Variants in GLRA3 observed in about 807,000 individuals in gnomAD.
The protein encoded by GLRA3 is glycine receptor subunit alpha-3.
GLRA3 carries 44 observed loss-of-function variants against 60.4 expected under a neutral mutation model. The ratio of observed to expected loss-of-function variants is 0.73; its 90% CI spans 0.57 to 0.94. The LOEUF (loss-of-function observed/expected upper bound fraction) is 0.94. GLRA3 is among the 40% of genes least tolerant of loss of function. The probability of loss-of-function intolerance (pLI) is 0.00; values close to 1 mark genes in which losing one functional copy is unlikely to be tolerated. For missense variants in GLRA3, 508 were observed against 564.6 expected, an observed-to-expected ratio of 0.90 and a Z score of 1.02; for synonymous variants, 223 against 192.9, an observed-to-expected ratio of 1.16 and a Z score of -1.29.
chr4:174,661,454 A>G (rs1488950846), intron 7 of GLRA3, among the ~76,000 whole-genome samples: 1 of 152,132 alleles, frequency 6.6e-6, no homozygotes, highest in African/African-American at 2.4e-5. Context: ...TCAGCACCTT[A>G]ATATAATGGT....
chr4:174,728,266 C>T lies in GLRA3; in HGVS notation c.491+209G>A, dbSNP rs541768801. On this transcript the variant is annotated intron_variant, in intron 4 of 9. Transcript: ENST00000274093. ...GGACATTTGTTTAAAAAGTGGATTTCCAAGAATTACTTATATAGTTCCTGA... is the reference window on the plus strand; with the variant it reads ...GGACATTTGTTTAAAAAGTGGATTTTCAAGAATTACTTATATAGTTCCTGA... 9.9e-5 allele frequency among the ~76,000 whole-genome samples: 15 copies of T among 152,268 alleles called. No individual in the cohort carries two copies. In the East Asian group the frequency reaches 2.7e-3, roughly 27 times the overall value.
At chr4:174,665,485 T>C (rs1392374734) in intron 7 of GLRA3, among the ~76,000 whole-genome samples, 2 of 152,256 alleles carry the variant, frequency 1.3e-5, no homozygotes, top group East Asian at 3.9e-4. Flanking sequence ...ACCACTTGAA[T>C]GCCCCACCAT....
chr4:174,707,166 T>C (rs1256195106), intron 5 of GLRA3, among the ~76,000 whole-genome samples: 23 of 152,174 alleles, frequency 1.5e-4, no homozygotes, highest in Non-Finnish European at 2.1e-4. Context: ...TTTTCAGTAG[T>C]AATAAATCAA....
At chr4:174,659,328 AT>A (rs1026086013) in intron 7 of GLRA3, 131 bp from the exon 8 acceptor site, 4 of 672,676 alleles carry the variant, frequency 5.9e-6, no homozygotes, top group Non-Finnish European at 9.6e-6. Flanking sequence ...GAAAATGACA[AT>A]TTTTTCTTGA....
At chr4:174,680,082 TTA>T (rs1324080721) in intron 6 of GLRA3, among the ~76,000 whole-genome samples, 8 of 152,208 alleles carry the variant, frequency 5.3e-5, no homozygotes, top group African/African-American at 1.9e-4. Flanking sequence ...ATTACAGATT[TTA>T]TGTTTGTATC....
At chr4:174,646,324 C>A (rs1303714759) in intron 9 of GLRA3, among the ~76,000 whole-genome samples, 5 of 152,130 alleles carry the variant, frequency 3.3e-5, no homozygotes, top group Admixed American at 3.3e-4. Flanking sequence ...TAGTGAGCAA[C>A]CGAATTTTTC....
chr4:174,728,152 A>C (rs972728131), intron 4 of GLRA3, among the ~76,000 whole-genome samples: 1 of 152,368 alleles, frequency 6.6e-6, no homozygotes, highest in African/African-American at 2.4e-5. Flanking sequence ...ACATATATAC[A>C]TAAAAGTATT....
intron 1 of GLRA3, among the ~76,000 whole-genome samples, chr4:174,799,268 T>C (rs1739711951): frequency 6.6e-6 from 1 of 152,176 alleles, no homozygotes; most frequent in Non-Finnish European, 1.5e-5. Flanking sequence ...GCCACTCAAA[T>C]ATTGAAAGTA....
intron 5 of GLRA3, among the ~76,000 whole-genome samples, chr4:174,685,242 C>T (rs975922262): frequency 2.0e-5 from 3 of 151,924 alleles, no homozygotes; most frequent in African/African-American, 7.3e-5. Context: ...GGGAAAAACT[C>T]TCCCAGACAC....
At chr4:174,788,051 A>G (rs1166895852) in intron 2 of GLRA3, among the ~76,000 whole-genome samples, 1 of 151,840 alleles carries the variant, frequency 6.6e-6, no homozygotes, top group East Asian at 2.0e-4. Flanking sequence ...AATCCCATGA[A>G]AAAAGTGTAT....
intron 1 of GLRA3, among the ~76,000 whole-genome samples, chr4:174,814,767 A>G (rs1487714522): frequency 1.3e-5 from 2 of 152,106 alleles, no homozygotes; most frequent in South Asian, 2.1e-4. Context: ...ACCTGCCCCC[A>G]TGATTCAATT....
At chr4:174,656,215 T>A (rs552419134) in intron 9 of GLRA3, among the ~76,000 whole-genome samples, 1 of 152,262 alleles carries the variant, frequency 6.6e-6, no homozygotes, top group South Asian at 2.1e-4. Context: ...TTTCAAAGGA[T>A]GCTGCTATCA....
chr4:174,801,668 G>A (rs1286871196), intron 1 of GLRA3, among the ~76,000 whole-genome samples: 1 of 151,962 alleles, frequency 6.6e-6, no homozygotes, highest in Non-Finnish European at 1.5e-5. Flanking sequence ...TGTTCTCTTT[G>A]ACTGGTCTAT....
At chr4:174,750,887 GGAAGCTTTACT>G (rs1385015305) in intron 3 of GLRA3, among the ~76,000 whole-genome samples, 1 of 151,994 alleles carries the variant, frequency 6.6e-6, no homozygotes, top group African/African-American at 2.4e-5. Flanking sequence ...TCTCTAGGCT[GGAAGCTTTACT>G]GATAGATGAA....
intron 3 of GLRA3, among the ~76,000 whole-genome samples, chr4:174,756,007 T>A (rs1399948914): frequency 6.6e-6 from 1 of 152,064 alleles, no homozygotes; most frequent in East Asian, 1.9e-4. Context: ...TGTAAATAAT[T>A]TGACAAGGAA....
At chr4:174,685,272 G>A (rs1334342202) in intron 5 of GLRA3, among the ~76,000 whole-genome samples, 1 of 152,136 alleles carries the variant, frequency 6.6e-6, no homozygotes, top group Non-Finnish European at 1.5e-5. Flanking sequence ...TGCTCCAGCT[G>A]TGGTGGTAGT....
rs368166595 is a variant in GLRA3, at chr4:174,781,302, T to G, written c.199+7514A>C. On this transcript the variant is annotated intron_variant, in intron 2 of 9. Coordinates refer to ENST00000274093, the MANE Select transcript of GLRA3 (RefSeq NM_006529.4). Reference sequence around the variant, plus strand: ...ACACAACATACCAGAATCTCTGGGATGCATTCAAAGCAGTGTGTAGAGGGA... The same window carrying G: ...ACACAACATACCAGAATCTCTGGGAGGCATTCAAAGCAGTGTGTAGAGGGA... Among the ~76,000 whole-genome samples the G allele has an allele frequency of 4.9e-3, 742 of 150,044 alleles. 6 individuals are homozygous for G. The highest frequency in any genetic ancestry group is 0.017 in the Middle Eastern group (5 of 288).
intron 4 of GLRA3, among the ~76,000 whole-genome samples, chr4:174,716,032 CA>C (rs1242954855): frequency 1.3e-5 from 2 of 152,170 alleles, no homozygotes; most frequent in African/African-American, 4.8e-5. Flanking sequence ...TTGCAAATCA[CA>C]TGCTATATTC....
At chr4:174,786,261 G>A (rs1265186059) in intron 2 of GLRA3, among the ~76,000 whole-genome samples, 3 of 152,010 alleles carry the variant, frequency 2.0e-5, no homozygotes, top group Admixed American at 2.0e-4. Context: ...TGTGGGGAAA[G>A]GCACAAAATC....
Sources: allele counts gnomAD v4.1 joint callset (sites outside exome capture counted in the v4.1 genomes callset), GRCh38; gene constraint gnomAD v4.1.1; transcripts MANE v1.5; gene names NCBI Gene and HGNC (gene_info 2026-07-23, HGNC 2026-07-21).